HCN2: variants seen among roughly 807,000 people sequenced by gnomAD.
The protein encoded by HCN2 is potassium/sodium hyperpolarization-activated cyclic nucleotide-gated channel 2.
In HCN2, 20 loss-of-function variants were observed where a neutral mutation model predicts 52.3. The observed-to-expected ratio is 0.38, with a 90% CI of 0.27 to 0.56. HCN2 has a LOEUF of 0.56. Ranked by LOEUF, HCN2 falls within the 20% of genes least tolerant of loss-of-function variation. HCN2 has a pLI of 0.71. For missense variants in HCN2, 981 were observed against 1,207.7 expected, an observed-to-expected ratio of 0.81 and a Z score of 2.78; for synonymous variants, 694 against 537.0, an observed-to-expected ratio of 1.29 and a Z score of -4.04.
Position 616,521 on chromosome 19 carries a change from G to C in HCN2, c.*47G>C. On this transcript the variant is annotated 3_prime_UTR_variant, in exon 8 of 8. Coordinates refer to ENST00000251287, the MANE Select transcript of HCN2 (RefSeq NM_001194.4). ...GCCCAGGCGGGCCGGGGGCGGGGCC[G>C]TCATCCAGACCAAAGCCATGCCATT... 1.8e-6 allele frequency: 2 copies of C among 1,124,146 alleles called. No homozygotes were observed. The highest frequency in any genetic ancestry group is 2.2e-6 in the Non-Finnish European group (2 of 899,920). 69.6% of individuals were successfully genotyped at this position (1,124,146 alleles called of 1,614,324 possible).
chr19:606,118 G>C (rs981287765), intron 3 of HCN2, among the ~76,000 whole-genome samples: 4 of 150,130 alleles, frequency 2.7e-5, no homozygotes. Flanking sequence ...ATTTTTTTTT[G>C]AGACTGAGTT....
chr19:616,294 C>A lies in HCN2; in HGVS notation c.2490C>A (p.Gly830=), dbSNP rs1050747692. The part of the protein sequence containing the change: ...LSASQPSLPH[G]APGPAASTRP... ...CCTCGCAGCCCTCGCTGCCTCACGG[C>A]GCCCCCGGCCCCGCGGCCTCCACAC... The change falls in exon 8 of 8, where the codon GGC becomes GGA. Residue 830 remains glycine (G), a synonymous_variant. Coordinates refer to ENST00000251287, the MANE Select transcript of HCN2 (RefSeq NM_001194.4). 9.2e-7 allele frequency: 1 copy of A among 1,083,272 alleles called. No individual in the cohort carries two copies. Among genetic ancestry groups the A allele is most frequent in the Non-Finnish European group, 1.1e-6 (1 of 892,546 alleles). The allele number at this position is 1,083,272 out of a possible 1,614,324, so 67.1% of individuals were successfully genotyped here.
At chr19:611,432 G>A (rs530172613) in intron 5 of HCN2, among the ~76,000 whole-genome samples, 28 of 152,208 alleles carry the variant, frequency 1.8e-4, no homozygotes, top group Non-Finnish European at 2.5e-4. Context: ...CACCTGGCTC[G>A]GGCAGAGGCC....
At chr19:604,406 A>G (rs1241451890) in intron 2 of HCN2, among the ~76,000 whole-genome samples, 2 of 142,440 alleles carry the variant, frequency 1.4e-5, no homozygotes, top group East Asian at 4.5e-4. Context: ...GGGTGGGGCT[A>G]TCAGGTTGCT....
chr19:591,886 A>T lies in HCN2; in HGVS notation c.632+1309A>T, dbSNP rs573937795. Among the ~76,000 whole-genome samples, 1 of 152,220 alleles carries T rather than the reference A, an allele frequency of 6.6e-6. No individual in the cohort carries two copies. Among genetic ancestry groups the T allele is most frequent in the African/African-American group, 2.4e-5 (1 of 41,522 alleles). On this transcript the variant is annotated intron_variant, in intron 1 of 7. Coordinates refer to ENST00000251287, the MANE Select transcript of HCN2 (RefSeq NM_001194.4). The surrounding 1 kb of genome is among the most constrained non-coding windows in gnomAD (Gnocchi z 4.1). ...CCTGGGGCACATGCGTCCTGGACAG[A>T]GCCTGGAGGAAGGCCCTGGAATCCT... is the stretch of plus-strand genomic sequence containing the variant.
rs187368180 is a variant in HCN2, at chr19:605,069, C to T, written c.1065C>T (p.His355=). ...RYIHQWEEIF[H]MTYDLASAVM... ...ACGGCGCCTTCCTGCAGATCTTCCA[C>T]ATGACCTATGACCTGGCCAGCGCGG... is the stretch of plus-strand genomic sequence containing the variant. The change falls in exon 3 of 8, where the codon CAC becomes CAT. Residue 355 remains histidine, a synonymous_variant. Transcript: ENST00000251287. 3 of 1,609,960 alleles carry T rather than the reference C, an allele frequency of 1.9e-6. No individual in the cohort carries two copies. Among genetic ancestry groups the T allele is most frequent in the African/African-American group, 1.3e-5 (1 of 74,888 alleles).
At chr19:606,299 C>G (rs149730376) in intron 3 of HCN2, among the ~76,000 whole-genome samples, 13,558 of 151,932 alleles carry the variant, frequency 0.089, 887 homozygotes, top group Admixed American at 0.2. Flanking sequence ...CGGGGTCTCG[C>G]CATGTTGGTC....
At position 615,917 on chromosome 19, in the gene HCN2, G is replaced by A. The variant is rs200188844; in HGVS notation, c.2113G>A (p.Ala705Thr). ...GTACGACCGCGAGATGGTGCAGCAG[G>A]CCGAGCTGGGTCAGCGCGTGGGCCT... Reference protein sequence around the residue: ...VKYDREMVQQAELGQRVGLFP... With the variant: ...VKYDREMVQQTELGQRVGLFP... Residue 705 changes from alanine to threonine, a missense_variant, in exon 8 of 8, where the codon GCC becomes ACC. Around this residue, in one of 6 missense-constraint regions of HCN2, gnomAD observed 368 missense variants for 314.8 expected, o/e 1.17. Coordinates refer to ENST00000251287, the MANE Select transcript of HCN2 (RefSeq NM_001194.4). 100 of 1,611,910 alleles carry A rather than the reference G, an allele frequency of 6.2e-5. No homozygotes were observed. The highest frequency in any genetic ancestry group is 2.0e-4 in the African/African-American group (15 of 74,890).
intron 5 of HCN2, among the ~76,000 whole-genome samples, chr19:611,531 G>T (rs1381134432): frequency 6.6e-6 from 1 of 152,196 alleles, no homozygotes; most frequent in Non-Finnish European, 1.5e-5. Flanking sequence ...CCTCTGGGGG[G>T]GCGTGTACAC....
At chr19:598,417 C>T (rs1164963634) in intron 1 of HCN2, among the ~76,000 whole-genome samples, 1 of 152,004 alleles carries the variant, frequency 6.6e-6, no homozygotes, top group African/African-American at 2.4e-5. Context: ...AGCAATCCTC[C>T]TACCTCAGCC....
chr19:611,252 C>T (rs546118464), intron 5 of HCN2, among the ~76,000 whole-genome samples: 87 of 152,368 alleles, frequency 5.7e-4, no homozygotes, highest in African/African-American at 1.7e-3. Flanking sequence ...GCGCCGACTG[C>T]GTGCCCTGCC....
intron 4 of HCN2, among the ~76,000 whole-genome samples, chr19:608,668 C>T (rs12974196): frequency 0.21 from 31,551 of 148,800 alleles, 4,148 homozygotes; most frequent in East Asian, 0.39. Context: ...CTTTGGACAT[C>T]GGGAAGCCCC....
At chr19:604,519 C>T (rs2144517659) in intron 2 of HCN2, among the ~76,000 whole-genome samples, 1 of 73,642 alleles carries the variant, frequency 1.4e-5, no homozygotes, top group East Asian at 3.7e-4. Context: ...GGAGCAGGGG[C>T]AGGGCTGTGA....
intron 3 of HCN2, among the ~76,000 whole-genome samples, chr19:606,577 G>T (rs1470966846): frequency 6.6e-6 from 1 of 152,076 alleles, no homozygotes; most frequent in Non-Finnish European, 1.5e-5. Context: ...AATGGGCCAG[G>T]CATGGCTGCT....
rs1364140400 is a variant in HCN2, at chr19:592,751, C to T, written c.632+2174C>T. On this transcript the variant is annotated intron_variant, in intron 1 of 7. Transcript: ENST00000251287. This position sits in a 1 kb window ranked among gnomAD's most constrained non-coding sequence, Gnocchi z 4.8. The stretch of plus-strand genomic sequence containing the variant: ...TGTGGAATCAGTGTGGAAAAAGACC[C>T]CCAAGAATATCTCAAAAGCTCCCTA... Among the ~76,000 whole-genome samples the T allele has an allele frequency of 2.6e-5, 4 of 152,106 alleles. No homozygotes were observed. Among genetic ancestry groups the T allele is most frequent in the African/African-American group, 7.2e-5 (3 of 41,406 alleles).
chr19:610,705 C>T (rs570499387), intron 5 of HCN2, among the ~76,000 whole-genome samples: 7 of 152,328 alleles, frequency 4.6e-5, no homozygotes, highest in Admixed American at 2.0e-4. Flanking sequence ...GCAGAGGCCC[C>T]GCTGAGCACC....
chr19:615,832 T>G lies in HCN2; in HGVS notation c.2028T>G (p.His676Gln). 6.2e-7 allele frequency: 1 copy of G among 1,612,656 alleles called. No individual in the cohort carries two copies. The highest frequency in any genetic ancestry group is 8.5e-7 in the Non-Finnish European group (1 of 1,179,756). ...KNSILLHKVQ[H>Q]DLNSGVFNNQ... is the part of the protein sequence containing the mutation. ...CCATCCTCCTGCACAAGGTGCAGCA[T>G]GACCTCAACTCGGGCGTATTCAACA... Residue 676 changes from histidine (H) to glutamine (Q), a missense_variant, in exon 8 of 8, where the codon CAT (histidine) becomes CAG (glutamine). Physicochemically the swap from His to Gln is conservative, Grantham distance 24 (BLOSUM62 0). Transcript: ENST00000251287.
rs188781378 is a variant in HCN2, at chr19:611,090, C to T, written c.1584+685C>T. Among the ~76,000 whole-genome samples, 976 of 149,542 alleles carry T rather than the reference C, an allele frequency of 6.5e-3. 12 individuals carry two copies. Among genetic ancestry groups the T allele is most frequent in the African/African-American group, 0.024 (940 of 38,952 alleles). On this transcript the variant is annotated intron_variant, in intron 5 of 7. Coordinates refer to ENST00000251287, the MANE Select transcript of HCN2 (RefSeq NM_001194.4). ...CATCCGTCGTTGGATCAGGGCCCACCCGGTTCCTCGTGGCCTCGCCTTAAC... is the reference window on the plus strand; with the variant it reads ...CATCCGTCGTTGGATCAGGGCCCACTCGGTTCCTCGTGGCCTCGCCTTAAC...
intron 1 of HCN2, among the ~76,000 whole-genome samples, chr19:602,791 C>G (rs1983250794): frequency 6.6e-6 from 1 of 152,234 alleles, no homozygotes; most frequent in South Asian, 2.1e-4. Flanking sequence ...GTGAGGTCTC[C>G]TGCATCTTCA....
Sources: allele counts gnomAD v4.1 joint callset (sites outside exome capture counted in the v4.1 genomes callset), GRCh38; gene constraint gnomAD v4.1.1; regional missense constraint gnomAD v4.1.1; non-coding constraint Gnocchi (gnomAD v3.1); transcripts MANE v1.5; gene names NCBI Gene and HGNC (gene_info 2026-07-23, HGNC 2026-07-21).